RTN4RL1: variants seen among roughly 807,000 people sequenced by gnomAD.
RTN4RL1 encodes the protein reticulon-4 receptor-like 1.
RTN4RL1 carries 7 observed loss-of-function variants against 25.6 expected under a neutral mutation model. That is an observed-to-expected ratio of 0.27 (90% CI 0.16 to 0.51). The LOEUF is 0.51. Among genes scored for constraint, RTN4RL1 ranks in the 20% least tolerant of loss-of-function variants. The pLI is 0.97. For synonymous variants in RTN4RL1, 297 were observed against 288.2 expected (o/e 1.03, Z -0.31); for missense variants, 500 against 615.6 (o/e 0.81, Z 1.99).
intron 1 of RTN4RL1, among the ~76,000 whole-genome samples, chr17:2,011,342 C>T (rs2067046979): frequency 6.6e-6 from 1 of 152,198 alleles, no homozygotes; most frequent in African/African-American, 2.4e-5. Flanking sequence ...TAAAAGGTGA[C>T]CGCTCATCCA....
intron 1 of RTN4RL1, among the ~76,000 whole-genome samples, chr17:2,007,573 T>C (rs1382922459): frequency 1.3e-5 from 2 of 152,138 alleles, no homozygotes; most frequent in East Asian, 3.9e-4. Flanking sequence ...AGATGCTGGC[T>C]GTGGCATGGT....
chr17:1,944,225 C>T (rs548068767), intron 1 of RTN4RL1, among the ~76,000 whole-genome samples: 25 of 151,832 alleles, frequency 1.6e-4, no homozygotes, highest in East Asian at 3.9e-4. Flanking sequence ...TCAACTTAAC[C>T]GGTGTGTCCC....
intron 1 of RTN4RL1, among the ~76,000 whole-genome samples, chr17:1,966,635 G>A (rs112237024): frequency 1.3e-5 from 2 of 152,070 alleles, no homozygotes; most frequent in Non-Finnish European, 2.9e-5. Flanking sequence ...TGTGTGGCCC[G>A]AAGTTCCAGG....
intron 1 of RTN4RL1, among the ~76,000 whole-genome samples, chr17:1,939,102 C>T (rs1467160793): frequency 6.6e-6 from 1 of 151,746 alleles, no homozygotes; most frequent in East Asian, 1.9e-4. Flanking sequence ...CCTGTAGTCT[C>T]AGCACTTTGG....
chr17:1,938,522 G>A (rs770745551), intron 1 of RTN4RL1, among the ~76,000 whole-genome samples: 10 of 151,440 alleles, frequency 6.6e-5, no homozygotes, highest in African/African-American at 9.7e-5. Context: ...GGCTGGTCTC[G>A]AACTCCCCGC....
At chr17:1,959,324 A>C (rs908587490) in intron 1 of RTN4RL1, among the ~76,000 whole-genome samples, 5 of 152,032 alleles carry the variant, frequency 3.3e-5, no homozygotes, top group African/African-American at 1.2e-4. Flanking sequence ...TCTTCATCCT[A>C]ATCTGCTCAC....
rs1259592939 is a variant in RTN4RL1 at position 1,999,706 on chromosome 17, ACT to A, written c.13+25145_13+25146del. ...CACACACACACGCACAGGCACACAC[ACT>A]CTTGCGTGCTGACTGCAGGCGGCTG... On this transcript the variant is annotated intron_variant, in intron 1 of 1. Coordinates refer to ENST00000331238, the MANE Select transcript of RTN4RL1 (RefSeq NM_178568.4). Among the ~76,000 whole-genome samples, 4 of 150,456 alleles carry A rather than the reference ACT, an allele frequency of 2.7e-5. No homozygotes were observed. The East Asian group carries it at 7.8e-4, about 29-fold the overall frequency.
intron 1 of RTN4RL1, among the ~76,000 whole-genome samples, chr17:2,013,281 T>G (rs1289072263): frequency 6.6e-6 from 1 of 152,196 alleles, no homozygotes; most frequent in African/African-American, 2.4e-5. Flanking sequence ...GGGGAGCTCT[T>G]ACTGAACTCA....
chr17:2,012,586 TTC>T lies in RTN4RL1; in HGVS notation c.13+12265_13+12266del, dbSNP rs545744619. On this transcript the variant is annotated intron_variant, in intron 1 of 1. Transcript: ENST00000331238. ...TATTTTTTTCTTTCTCTTTTTCTCCTTCTCTCTCTGTTTTTTTTTTAAGCCCT... is the reference window on the plus strand; with the variant it reads ...TATTTTTTTCTTTCTCTTTTTCTCCTTCTCTCTGTTTTTTTTTTAAGCCCT... Among the ~76,000 whole-genome samples, 3 of 152,090 alleles carry T rather than the reference TTC, an allele frequency of 2.0e-5. No individual in the cohort carries two copies. In the South Asian group the frequency reaches 6.2e-4, roughly 32 times the overall value.
chr17:2,019,921 T>A (rs1315678393), intron 1 of RTN4RL1: 1 of 152,298 alleles, frequency 6.6e-6, no homozygotes, highest in Admixed American at 6.5e-5. Context: ...ATCCCTCTGC[T>A]GTCCTTGCTG....
intron 1 of RTN4RL1, among the ~76,000 whole-genome samples, chr17:2,002,337 G>A (rs2066963790): frequency 6.8e-6 from 1 of 147,502 alleles, no homozygotes; most frequent in African/African-American, 2.5e-5. Flanking sequence ...CTGTCGCCCA[G>A]GCTGGAGTGC....
At chr17:1,978,200 C>A (rs2066851650) in intron 1 of RTN4RL1, among the ~76,000 whole-genome samples, 1 of 152,240 alleles carries the variant, frequency 6.6e-6, no homozygotes, top group South Asian at 2.1e-4. Flanking sequence ...CCTGCCGCCT[C>A]TGCTGTCTCC....
intron 1 of RTN4RL1, among the ~76,000 whole-genome samples, chr17:1,996,996 G>A (rs1177667833): frequency 6.6e-6 from 1 of 152,142 alleles, no homozygotes; most frequent in African/African-American, 2.4e-5. Context: ...CCACCCTTGT[G>A]TACACCACTG....
At chr17:1,973,353 G>C (rs1255148706) in intron 1 of RTN4RL1, among the ~76,000 whole-genome samples, 1 of 141,504 alleles carries the variant, frequency 7.1e-6, no homozygotes, top group Non-Finnish European at 1.5e-5. Context: ...GCAATAGTGT[G>C]AGACACTGTC....
chr17:1,996,834 G>A (rs1034831660), intron 1 of RTN4RL1, among the ~76,000 whole-genome samples: 1 of 152,224 alleles, frequency 6.6e-6, no homozygotes, highest in Non-Finnish European at 1.5e-5. Context: ...CTCGGAGACA[G>A]GACGGGGGCC....
intron 1 of RTN4RL1, among the ~76,000 whole-genome samples, chr17:1,967,512 C>G (rs900711495): frequency 1.3e-5 from 2 of 152,176 alleles, no homozygotes; most frequent in African/African-American, 4.8e-5. Context: ...CCTTCACAGG[C>G]AAACTTCTCC....
chr17:1,977,242 G>A (rs1263393675), intron 1 of RTN4RL1, among the ~76,000 whole-genome samples: 1 of 152,176 alleles, frequency 6.6e-6, no homozygotes, highest in African/African-American at 2.4e-5. Context: ...GGGAAGGTGC[G>A]AGGCAGAGAC....
intron 1 of RTN4RL1, among the ~76,000 whole-genome samples, chr17:2,010,696 T>C (rs956818724): frequency 6.6e-6 from 1 of 151,686 alleles, no homozygotes; most frequent in Non-Finnish European, 1.5e-5. Context: ...TAGCTGGGAC[T>C]ACAGGCACAC....
intron 1 of RTN4RL1, among the ~76,000 whole-genome samples, chr17:1,979,827 C>G (rs1018199442): frequency 2.0e-5 from 3 of 152,326 alleles, no homozygotes; most frequent in African/African-American, 7.2e-5. Context: ...CTCCTCCCCC[C>G]TTGACTGCCG....
Sources: gnomAD v4.1 joint callset for allele counts (sites outside exome capture counted in the v4.1 genomes callset) on GRCh38, gnomAD v4.1.1 for gene constraint, MANE v1.5 for transcripts, NCBI Gene and HGNC (gene_info 2026-07-23, HGNC 2026-07-21) for gene names.